The following DGKI variants were observed in gnomAD, a reference collection of about 807,000 sequenced individuals.
The protein encoded by DGKI is diacylglycerol kinase iota.
In DGKI, 55 loss-of-function variants were observed where a neutral mutation model predicts 147.5. The observed-to-expected ratio is 0.37, with a 90% confidence interval of 0.30 to 0.47. The LOEUF is 0.47. DGKI is among the 20% of genes least tolerant of loss of function. The pLI is 1.00. For missense variants in DGKI, 1,007 were observed against 1,323.8 expected (o/e 0.76, Z 3.71); for synonymous variants, 469 against 477.1 (o/e 0.98, Z 0.22).
At position 137,544,608 on chromosome 7, in the gene DGKI, T is replaced by C. The variant is rs193013996; in HGVS notation, c.2147+7761A>G. ...GAAAGTAGATTATATAACTGAACTTTAGGAATTGCTTTGTCATACATATCA... is the reference window on the plus strand; with the variant it reads ...GAAAGTAGATTATATAACTGAACTTCAGGAATTGCTTTGTCATACATATCA... On this transcript the variant is annotated intron_variant, in intron 20 of 32. Coordinates refer to ENST00000614521, the MANE Select transcript of DGKI (RefSeq NM_001321708.2). Among the ~76,000 whole-genome samples the C allele has an allele frequency of 7.2e-5, 11 of 152,336 alleles. No individual in the cohort carries two copies. The East Asian group carries it at 1.9e-3, about 27-fold the overall frequency.
intron 23 of DGKI, among the ~76,000 whole-genome samples, chr7:137,480,078 TA>T (rs1336284128): frequency 6.6e-6 from 1 of 152,164 alleles, no homozygotes; most frequent in Non-Finnish European, 1.5e-5. Context: ...AGCAATATTC[TA>T]ACATTTTCAA....
intron 1 of DGKI, among the ~76,000 whole-genome samples, chr7:137,812,414 G>T (rs924524457): frequency 7.2e-5 from 11 of 152,140 alleles, no homozygotes; most frequent in African/African-American, 2.7e-4. Context: ...TTTAACTGTA[G>T]CAAAGCTTAC....
chr7:137,790,185 C>T (rs963982950), intron 1 of DGKI, among the ~76,000 whole-genome samples: 17 of 151,274 alleles, frequency 1.1e-4, no homozygotes, highest in African/African-American at 4.1e-4. Flanking sequence ...CATAGTTTGC[C>T]GACTCTTTAT....
intron 28 of DGKI, among the ~76,000 whole-genome samples, chr7:137,413,529 G>A (rs1812245065): frequency 6.6e-6 from 1 of 152,110 alleles, no homozygotes; most frequent in African/African-American, 2.4e-5. Context: ...GTAAGAAGAT[G>A]CAATATTTGG....
intron 1 of DGKI, among the ~76,000 whole-genome samples, chr7:137,690,835 A>C (rs764175670): frequency 6.6e-6 from 1 of 151,886 alleles, no homozygotes; most frequent in Non-Finnish European, 1.5e-5. Context: ...TAGTGGTGAG[A>C]ATAAGAACAG....
intron 1 of DGKI, among the ~76,000 whole-genome samples, chr7:137,691,966 C>T (rs1823630645): frequency 1.3e-5 from 2 of 151,892 alleles, no homozygotes; most frequent in Non-Finnish European, 2.9e-5. Context: ...TATATAATCC[C>T]CGAAAGGGTC....
At chr7:137,640,522 C>T (rs187632097) in intron 6 of DGKI, among the ~76,000 whole-genome samples, 1 of 152,284 alleles carries the variant, frequency 6.6e-6, no homozygotes, top group Admixed American at 6.5e-5. Flanking sequence ...AATAACCAAA[C>T]CTGCCCAATG....
intron 23 of DGKI, among the ~76,000 whole-genome samples, chr7:137,482,300 T>C (rs1815399029): frequency 6.6e-6 from 1 of 151,872 alleles, no homozygotes; most frequent in Non-Finnish European, 1.5e-5. Flanking sequence ...TCCCTGCTGC[T>C]TATCTCAGTT....
Position 137,522,289 on chromosome 7 carries a change from A to T in DGKI, c.2148-323T>A, listed in dbSNP as rs570524091. ...TGTTACATAATAAATTAGATTCAGCAAATCTGAAATAGTGGGAGGTGGAGT... is the reference window on the plus strand; with the variant it reads ...TGTTACATAATAAATTAGATTCAGCTAATCTGAAATAGTGGGAGGTGGAGT... On this transcript the variant is annotated intron_variant, in intron 20 of 32. Coordinates refer to ENST00000614521, the MANE Select transcript of DGKI (RefSeq NM_001321708.2). 9.2e-5 allele frequency among the ~76,000 whole-genome samples: 14 copies of T among 152,226 alleles called. No individual in the cohort carries two copies. In the South Asian group the frequency reaches 2.1e-3, roughly 23 times the overall value.
chr7:137,819,375 C>G (rs1031485083), intron 1 of DGKI, among the ~76,000 whole-genome samples: 1 of 151,510 alleles, frequency 6.6e-6, no homozygotes, highest in South Asian at 2.1e-4. Context: ...GCAGTGGCGC[C>G]ATCTCGGCTC....
chr7:137,407,750 G>T, intron 30 of DGKI, 125 bp downstream of exon 30: 2 of 1,283,500 alleles, frequency 1.6e-6, no homozygotes, highest in Middle Eastern at 2.2e-4. Context: ...GGCAGAGTCT[G>T]CTAAAAGTTC....
chr7:137,417,098 T>C (rs1185094627), intron 28 of DGKI, among the ~76,000 whole-genome samples: 1 of 152,200 alleles, frequency 6.6e-6, no homozygotes, highest in South Asian at 2.1e-4. Flanking sequence ...TAAAAACAAA[T>C]AATGAGTTGT....
At chr7:137,451,665 G>A (rs1193159802) in intron 27 of DGKI, among the ~76,000 whole-genome samples, 3 of 152,154 alleles carry the variant, frequency 2.0e-5, no homozygotes, top group African/African-American at 4.8e-5. Flanking sequence ...ATGAAATAAT[G>A]GGTGTCACGA....
intron 1 of DGKI, among the ~76,000 whole-genome samples, chr7:137,783,726 A>G (rs576565718): frequency 1.3e-5 from 2 of 152,332 alleles, no homozygotes; most frequent in African/African-American, 4.8e-5. Context: ...GCTGTGAGGC[A>G]AAAGCAGCAG....
At chr7:137,658,714 A>G (rs964848920) in intron 3 of DGKI, among the ~76,000 whole-genome samples, 1 of 152,246 alleles carries the variant, frequency 6.6e-6, no homozygotes, top group South Asian at 2.1e-4. Context: ...CATGCATTCA[A>G]TGAAATGCAA....
intron 28 of DGKI, among the ~76,000 whole-genome samples, chr7:137,425,455 A>T (rs1585101994): frequency 6.6e-6 from 1 of 152,346 alleles, no homozygotes; most frequent in East Asian, 1.9e-4. Flanking sequence ...GGGAAAAAAC[A>T]GAGCAGAAAG....
At chr7:137,793,512 G>C (rs1405289925) in intron 1 of DGKI, among the ~76,000 whole-genome samples, 1 of 152,046 alleles carries the variant, frequency 6.6e-6, no homozygotes, top group South Asian at 2.1e-4. Context: ...TGTTGGCCAG[G>C]CTGGTCTTGA....
chr7:137,510,072 G>A (rs533174040), intron 21 of DGKI, among the ~76,000 whole-genome samples: 6 of 152,320 alleles, frequency 3.9e-5, no homozygotes, highest in South Asian at 4.1e-4. Context: ...TGATGACTGC[G>A]GTTCACGCAT....
intron 21 of DGKI, among the ~76,000 whole-genome samples, chr7:137,521,208 T>A (rs1010921028): frequency 4.6e-5 from 7 of 152,044 alleles, no homozygotes; most frequent in Non-Finnish European, 1.0e-4. Context: ...GTGATCAGAA[T>A]GTACCAGATT....
Sources: gnomAD v4.1 joint callset for allele counts (sites outside exome capture counted in the v4.1 genomes callset) on GRCh38, gnomAD v4.1.1 for gene constraint, MANE v1.5 for transcripts, NCBI Gene and HGNC (gene_info 2026-07-23, HGNC 2026-07-21) for gene names.